Variants in ZNF385D observed in about 807,000 individuals in gnomAD.
ZNF385D encodes the protein zinc finger protein 659.
ZNF385D carries 15 observed loss-of-function variants against 35.8 expected under a neutral mutation model. The observed-to-expected ratio is 0.42, with a 90% CI of 0.28 to 0.64. The LOEUF (loss-of-function observed/expected upper bound fraction) is 0.64. Among genes scored for constraint, ZNF385D ranks in the 30% least tolerant of loss-of-function variants. ZNF385D has a pLI of 0.23. For synonymous variants in ZNF385D, 212 were observed against 186.8 expected (o/e 1.13, Z -1.10); for missense variants, 474 against 494.6 (o/e 0.96, Z 0.39).
intron 3 of ZNF385D, among the ~76,000 whole-genome samples, chr3:21,810,998 G>GTATA (rs57333898): frequency 0.078 from 11,274 of 144,372 alleles, 1,238 homozygotes; most frequent in African/African-American, 0.24. Flanking sequence ...GTGTGTGTGT[G>GTATA]TATATATATA....
chr3:22,215,162 T>C (rs527860140), intron 2 of ZNF385D, among the ~76,000 whole-genome samples: 205 of 152,028 alleles, frequency 1.3e-3, no homozygotes, highest in Non-Finnish European at 2.6e-3. Flanking sequence ...CCCCAATATC[T>C]GGCGCCCATG....
intron 2 of ZNF385D, among the ~76,000 whole-genome samples, chr3:21,636,645 C>G (rs1342317497): frequency 6.6e-6 from 1 of 151,594 alleles, no homozygotes; most frequent in Non-Finnish European, 1.5e-5. Flanking sequence ...ACACTGGCAG[C>G]TGATTAGATT....
At chr3:21,586,627 T>A (rs956933257) in intron 2 of ZNF385D, among the ~76,000 whole-genome samples, 2 of 152,158 alleles carry the variant, frequency 1.3e-5, no homozygotes, top group African/African-American at 4.8e-5. Flanking sequence ...GCTGAACATG[T>A]AGGCTTGCAA....
intron 2 of ZNF385D, among the ~76,000 whole-genome samples, chr3:22,293,838 G>A (rs570229381): frequency 2.6e-5 from 4 of 152,080 alleles, no homozygotes; most frequent in Non-Finnish European, 5.9e-5. Flanking sequence ...GAGGCCTAGT[G>A]ATCTGTTCCT....
chr3:21,995,345 C>T (rs930567595), intron 3 of ZNF385D, among the ~76,000 whole-genome samples: 1 of 152,148 alleles, frequency 6.6e-6, no homozygotes, highest in East Asian at 1.9e-4. Context: ...TAAGGGAGCA[C>T]CTGGTGGGGC....
At chr3:22,278,161 C>T (rs1701529576) in intron 2 of ZNF385D, among the ~76,000 whole-genome samples, 1 of 152,032 alleles carries the variant, frequency 6.6e-6, no homozygotes, top group Admixed American at 6.6e-5. Flanking sequence ...TGGCCTACAA[C>T]AGTATCAAGA....
At chr3:21,919,445 T>C (rs982913253) in intron 3 of ZNF385D, among the ~76,000 whole-genome samples, 1 of 152,222 alleles carries the variant, frequency 6.6e-6, no homozygotes, top group African/African-American at 2.4e-5. Context: ...CACTGAACTG[T>C]GCACTTAAGA....
chr3:21,436,938 G>A (rs752516520), intron 5 of ZNF385D, 32 bp downstream of exon 5: 2 of 1,598,756 alleles, frequency 1.3e-6, no homozygotes, highest in African/African-American at 2.7e-5. Flanking sequence ...TTGCAGAGCT[G>A]TTGAAACAAA....
At chr3:21,630,320 C>G (rs1350021886) in intron 2 of ZNF385D, among the ~76,000 whole-genome samples, 3 of 151,416 alleles carry the variant, frequency 2.0e-5, no homozygotes, top group Admixed American at 2.0e-4. Flanking sequence ...ATTCTCCTGT[C>G]TCAGCCTCCC....
chr3:21,453,653 C>T (rs1462450308), intron 4 of ZNF385D, among the ~76,000 whole-genome samples: 1 of 151,944 alleles, frequency 6.6e-6, no homozygotes. Context: ...AATACCATTT[C>T]ACAACCACTA....
At chr3:22,015,086 A>C (rs1696803940) in intron 3 of ZNF385D, among the ~76,000 whole-genome samples, 1 of 151,900 alleles carries the variant, frequency 6.6e-6, no homozygotes, top group Admixed American at 6.6e-5. Context: ...ATAGGATGGG[A>C]CTCCCACATT....
At chr3:22,116,867 A>C (rs545975261) in intron 3 of ZNF385D, among the ~76,000 whole-genome samples, 2 of 152,188 alleles carry the variant, frequency 1.3e-5, no homozygotes, top group East Asian at 3.9e-4. Context: ...TGTAACACTA[A>C]AACTTATAAT....
chr3:21,958,768 AAT>A (rs1702423246), intron 3 of ZNF385D: 1 of 81,244 alleles, frequency 1.2e-5, no homozygotes, highest in Non-Finnish European at 3.0e-5. Flanking sequence ...TGCGGATAGC[AAT>A]CAGAGAATTT....
At chr3:22,038,008 G>A (rs1576203690) in intron 3 of ZNF385D, among the ~76,000 whole-genome samples, 1 of 152,078 alleles carries the variant, frequency 6.6e-6, no homozygotes, top group Non-Finnish European at 1.5e-5. Flanking sequence ...ATGGTGCTGG[G>A]AAAACTGGCT....
At chr3:21,954,777 T>A (rs1215478444) in intron 3 of ZNF385D, among the ~76,000 whole-genome samples, 2 of 152,132 alleles carry the variant, frequency 1.3e-5, no homozygotes, top group East Asian at 3.9e-4. Context: ...TGGAATAATG[T>A]TAGACATCCC....
intron 3 of ZNF385D, among the ~76,000 whole-genome samples, chr3:22,030,036 C>T (rs887773773): frequency 1.3e-5 from 2 of 151,300 alleles, no homozygotes; most frequent in African/African-American, 4.9e-5. Context: ...TAATCAGCTG[C>T]CAGCAAATAT....
chr3:22,019,034 CTTTTTTTT>C (rs11380195), intron 3 of ZNF385D, among the ~76,000 whole-genome samples: 117 of 64,462 alleles, frequency 1.8e-3, no homozygotes, highest in African/African-American at 7.5e-3. Flanking sequence ...AGTTATTTAC[CTTTTTTTT>C]TTTTTTTTTT....
At chr3:22,030,198 G>C (rs141474013) in intron 3 of ZNF385D, among the ~76,000 whole-genome samples, 3,709 of 136,592 alleles carry the variant, frequency 0.027, 189 homozygotes, top group African/African-American at 0.097. Flanking sequence ...TCCTCAGCTT[G>C]AAGACAGCCT....
intron 3 of ZNF385D, among the ~76,000 whole-genome samples, chr3:21,971,177 C>A (rs1332543212): frequency 6.6e-6 from 1 of 151,948 alleles, no homozygotes; most frequent in African/African-American, 2.4e-5. Flanking sequence ...AATATTATAA[C>A]AAACACTGTA....
Sources: allele counts gnomAD v4.1 joint callset (sites outside exome capture counted in the v4.1 genomes callset), GRCh38; gene constraint gnomAD v4.1.1; transcripts MANE v1.5; gene names NCBI Gene and HGNC (gene_info 2026-07-23, HGNC 2026-07-21).